Variants in ACOX3 observed in about 807,000 individuals in gnomAD.
ACOX3 encodes the protein acyl-CoA oxidase 3, pristanoyl, also known as peroxisomal acyl-coenzyme A oxidase 3.
Under a neutral mutation model 81.5 loss-of-function variants are expected in ACOX3, and 73 were observed. The observed-to-expected ratio is 0.90, with a 90% CI of 0.74 to 1.09. ACOX3 has a LOEUF of 1.09. ACOX3 is among the 50% of genes least tolerant of loss of function. The probability of loss-of-function intolerance (pLI) is 0.00; values close to 1 mark genes in which losing one functional copy is unlikely to be tolerated. For missense variants in ACOX3, 947 were observed against 928.0 expected (o/e 1.02, Z -0.27); for synonymous variants, 387 against 375.1 (o/e 1.03, Z -0.37).
In ACOX3 at chr4:8,367,402, G is replaced by C. The variant is rs757227482; in HGVS notation, c.1984-322C>G. Among the ~76,000 whole-genome samples, 541 of 152,194 alleles carry C rather than the reference G, an allele frequency of 3.6e-3. 4 individuals are homozygous for C. Among genetic ancestry groups the C allele is most frequent in the Non-Finnish European group, 5.5e-3 (373 of 68,012 alleles). ...GAAGGCTGAGGCAGGAGAATCACTT[G>C]AACCTGGGAGGTAGAGGTTTCAGTG... On this transcript the variant is annotated intron_variant, in intron 17 of 17. Transcript: ENST00000356406.
chr4:8,378,995 G>A (rs1717315216), intron 14 of ACOX3, among the ~76,000 whole-genome samples: 1 of 152,182 alleles, frequency 6.6e-6, no homozygotes, highest in Non-Finnish European at 1.5e-5. Context: ...CCAGGTCAGT[G>A]GCTGCTGGGG....
chr4:8,426,611 A>G (rs777591232), intron 1 of ACOX3, among the ~76,000 whole-genome samples: 4 of 147,944 alleles, frequency 2.7e-5, no homozygotes, highest in South Asian at 2.1e-4. Context: ...AAGAGCTTCT[A>G]TGGAGAATGC....
At chr4:8,428,946 CAG>C (rs1338059375) in intron 1 of ACOX3, among the ~76,000 whole-genome samples, 2 of 152,178 alleles carry the variant, frequency 1.3e-5, no homozygotes, top group South Asian at 2.1e-4. Flanking sequence ...CGTGGTTCTG[CAG>C]AGTTTCTCAG....
chr4:8,392,014 G>A (rs1719047412), intron 11 of ACOX3, among the ~76,000 whole-genome samples: 1 of 152,254 alleles, frequency 6.6e-6, no homozygotes. Flanking sequence ...TCAGGCATCT[G>A]AAAGCAGTGG....
rs112770346 is a variant in ACOX3 at position 8,416,188 on chromosome 4, G to C, written c.145-189C>G. 3.9e-5 allele frequency among the ~76,000 whole-genome samples: 6 copies of C among 152,234 alleles called. No homozygotes were observed. Among genetic ancestry groups the C allele is most frequent in the African/African-American group, 1.4e-4 (6 of 41,544 alleles). The stretch of plus-strand genomic sequence containing the variant: ...GAGGCTTAAGAAACATCAACAATCC[G>C]TGTTCATTTCCAGACTCCTCATCAA... On this transcript the variant is annotated intron_variant, in intron 2 of 17. Transcript: ENST00000356406. This position sits in a 1 kb window ranked among gnomAD's most constrained non-coding sequence, Gnocchi z 4.2.
rs1409159892 is a variant in ACOX3, at chr4:8,415,924, A to G, written c.220T>C (p.Tyr74His). The G allele has an allele frequency of 1.9e-6, 3 of 1,614,216 alleles. No individual in the cohort carries two copies. Among genetic ancestry groups the G allele is most frequent in the East Asian group, 4.5e-5 (2 of 44,878 alleles). Residue 74 changes from tyrosine (Y) to histidine (H), a missense_variant, in exon 3 of 18, where the codon TAT becomes CAT. Transcript: ENST00000356406. ...CATCGAAGGAAGTTCAGCTCGCGAT[A>G]CTTCTCCAAGGACAGATCGGCTCCA... ...SPGADLSLEK[Y>H]RELNFLRCKR...
rs1723888001 is a variant in ACOX3, at chr4:8,430,371, A to G, written c.-15+10277T>C. 6.6e-6 allele frequency among the ~76,000 whole-genome samples: 1 copy of G among 152,226 alleles called. No individual in the cohort carries two copies. Among genetic ancestry groups the G allele is most frequent in the Non-Finnish European group, 1.5e-5 (1 of 68,040 alleles). ...GGTCCCTGAATCCCCAGGAGCAACA[A>G]GGATTGCCTGAAGACAAAGCAATCA... On this transcript the variant is annotated intron_variant, in intron 1 of 17. Coordinates refer to ENST00000356406, the MANE Select transcript of ACOX3 (RefSeq NM_003501.3). This position sits in a 1 kb window ranked among gnomAD's most constrained non-coding sequence, Gnocchi z 5.2.
In ACOX3 at chr4:8,414,977, C is replaced by G. The variant is rs760249569; in HGVS notation, c.379-49G>C. The G allele has an allele frequency of 3.9e-6, 6 of 1,534,192 alleles. No homozygotes were observed. Among genetic ancestry groups the G allele is most frequent in the South Asian group, 1.1e-5 (1 of 89,412 alleles). The stretch of plus-strand genomic sequence containing the variant: ...CAACAGGGGGCAGGTAAGAAGAGTA[C>G]TGCTCTTCCGGAACATCACAACAGA... On this transcript the variant is annotated intron_variant, in intron 3 of 17. Transcript: ENST00000356406. This position sits in a 1 kb window ranked among gnomAD's most constrained non-coding sequence, Gnocchi z 6.1.
chr4:8,394,886 C>T lies in ACOX3; in HGVS notation c.1057-144G>A. The T allele has an allele frequency of 8.7e-7, 1 of 1,146,812 alleles. No homozygotes were observed. Among genetic ancestry groups the T allele is most frequent in the Non-Finnish European group, 1.2e-6 (1 of 839,940 alleles). The allele number at this position is 1,146,812 out of a possible 1,614,324, so 71.0% of individuals were successfully genotyped here. ...TGAAGGTCTTCACATGTCTTCCCGG[C>T]ACATCAGAAAGCCTTCACCCTGACA... On this transcript the variant is annotated intron_variant, in intron 9 of 17. Transcript: ENST00000356406. The surrounding 1 kb of genome is among the most constrained non-coding windows in gnomAD (Gnocchi z 5.9).
rs755016911 is a variant in ACOX3 at position 8,381,611 on chromosome 4, C to T, written c.1538-4G>A. ...CACTTGTATGCTGCCAGGGCGACTT[C>T]GGAATGACAAACAGAAGGAGAAAAA... On this transcript the variant is annotated splice_region_variant and splice_polypyrimidine_tract_variant and intron_variant, in intron 13 of 17. Coordinates refer to ENST00000356406, the MANE Select transcript of ACOX3 (RefSeq NM_003501.3). This position sits in a 1 kb window ranked among gnomAD's most constrained non-coding sequence, Gnocchi z 4.3. The T allele has an allele frequency of 5.6e-6, 9 of 1,604,104 alleles. No homozygotes were observed. The highest frequency in any genetic ancestry group is 1.7e-4 in the Middle Eastern group (1 of 6,032).
intron 1 of ACOX3, among the ~76,000 whole-genome samples, chr4:8,426,689 C>A (rs1723522083): frequency 6.6e-6 from 1 of 152,112 alleles, no homozygotes; most frequent in Non-Finnish European, 1.5e-5. Context: ...CTTTCACCAT[C>A]CACACCCATA....
In ACOX3 at chr4:8,397,014, G is replaced by C. The variant is rs1003339651; in HGVS notation, c.979C>G (p.Leu327Val). The change falls in exon 9 of 18, where the codon CTT becomes GTT. Residue 327 changes from leucine to valine, a missense_variant. Leu to Val is a conservative substitution (Grantham distance 32). Transcript: ENST00000356406. ...TGACGCCGAGTGGCTGAGAAGCGAA[G>C]AGCGATGGCCACGGCCAGCTTTAGG... ...LNLKLAVAIALRFSATRRQFG... is the reference protein window; with the variant it reads ...LNLKLAVAIAVRFSATRRQFG... The C allele has an allele frequency of 2.5e-6, 4 of 1,611,964 alleles. No individual in the cohort carries two copies. The highest frequency in any genetic ancestry group is 2.7e-5 in the African/African-American group (2 of 74,840).
intron 7 of ACOX3, among the ~76,000 whole-genome samples, chr4:8,403,393 T>C (rs1040848426): frequency 6.6e-6 from 1 of 152,126 alleles, no homozygotes; most frequent in Non-Finnish European, 1.5e-5. Context: ...ATGGGAAATG[T>C]GCATTTCTGG....
rs772342580 is a variant in ACOX3 at position 8,394,152 on chromosome 4, C to T, written c.1179+468G>A. On this transcript the variant is annotated intron_variant, in intron 10 of 17. Coordinates refer to ENST00000356406, the MANE Select transcript of ACOX3 (RefSeq NM_003501.3). This position sits in a 1 kb window ranked among gnomAD's most constrained non-coding sequence, Gnocchi z 5.9. ...CAATGGAAAATCAGTTCATAATCAT[C>T]TACAAAGAAATCCGTTCCCGATGTC... is the stretch of plus-strand genomic sequence containing the variant. Among the ~76,000 whole-genome samples, 3 of 152,204 alleles carry T rather than the reference C, an allele frequency of 2.0e-5. No individual in the cohort carries two copies. The highest frequency in any genetic ancestry group is 4.4e-5 in the Non-Finnish European group (3 of 68,038).
At chr4:8,372,531 CTCT>C (rs1716344818) in intron 16 of ACOX3, among the ~76,000 whole-genome samples, 1 of 152,202 alleles carries the variant, frequency 6.6e-6, no homozygotes, top group East Asian at 1.9e-4. Context: ...TAAAATTTGG[CTCT>C]TGGAGGAGCC....
In ACOX3 at chr4:8,389,595, G is replaced by A. The variant is rs1198753748; in HGVS notation, c.1423+17C>T. 1.2e-6 allele frequency: 2 copies of A among 1,613,456 alleles called. No homozygotes were observed. Among genetic ancestry groups the A allele is most frequent in the Non-Finnish European group, 1.7e-6 (2 of 1,179,978 alleles). On this transcript the variant is annotated intron_variant, in intron 12 of 17. Coordinates refer to ENST00000356406, the MANE Select transcript of ACOX3 (RefSeq NM_003501.3). The surrounding 1 kb of genome is among the most constrained non-coding windows in gnomAD (Gnocchi z 5.3). The stretch of plus-strand genomic sequence containing the variant: ...GTTGGGTTCCAGCGCCCCCACCAGT[G>A]TGCAGCAGAGCCTCACCGTGGACCT...
chr4:8,395,534 C>T (rs1719601355), intron 9 of ACOX3, among the ~76,000 whole-genome samples: 1 of 152,182 alleles, frequency 6.6e-6, no homozygotes, highest in Admixed American at 6.5e-5. Context: ...GCCTCCATGC[C>T]CTAACTTTGT....
chr4:8,380,740 C>CGA (rs1717533593), intron 14 of ACOX3, among the ~76,000 whole-genome samples: 1 of 152,210 alleles, frequency 6.6e-6, no homozygotes, highest in Admixed American at 6.5e-5. Context: ...GTGACAGCAG[C>CGA]TCTCTCCGTA....
At chr4:8,429,392 G>C (rs1329775309) in intron 1 of ACOX3, among the ~76,000 whole-genome samples, 1 of 152,186 alleles carries the variant, frequency 6.6e-6, no homozygotes, top group Admixed American at 6.5e-5. Flanking sequence ...AAGTTAAAAG[G>C]ATAAATGGTT....
Sources: allele counts gnomAD v4.1 joint callset (sites outside exome capture counted in the v4.1 genomes callset), GRCh38; gene constraint gnomAD v4.1.1; non-coding constraint Gnocchi (gnomAD v3.1); transcripts MANE v1.5; gene names NCBI Gene and HGNC (gene_info 2026-07-23, HGNC 2026-07-21).